Variants in ZNF398 observed in about 807,000 individuals in gnomAD.
ZNF398 encodes the protein zinc finger DNA binding protein ZER6.
In ZNF398, 18 loss-of-function variants were observed where a neutral mutation model predicts 41.9. The observed-to-expected ratio is 0.43, with a 90% CI of 0.30 to 0.64. The LOEUF is 0.64. Ranked by LOEUF, ZNF398 falls within the 30% of genes least tolerant of loss-of-function variation. ZNF398 has a pLI of 0.14. For synonymous variants in ZNF398, 260 were observed against 308.8 expected (o/e 0.84, Z 1.66); for missense variants, 669 against 822.8 (o/e 0.81, Z 2.29).
chr7:149,160,287 C>T (rs1045491613), intron 2 of ZNF398, among the ~76,000 whole-genome samples: 4 of 152,162 alleles, frequency 2.6e-5, no homozygotes, highest in Middle Eastern at 3.4e-3. Flanking sequence ...AAAAAGTAGC[C>T]AGATGTGGTG....
chr7:149,155,726 T>TTTA (rs1563159587), intron 2 of ZNF398, among the ~76,000 whole-genome samples: 5 of 93,024 alleles, frequency 5.4e-5, no homozygotes, highest in East Asian at 3.4e-4. Context: ...TTTTTTTTTT[T>TTTA]TTTAATTTTT....
intron 2 of ZNF398, among the ~76,000 whole-genome samples, chr7:149,162,550 G>A (rs946344158): frequency 2.0e-5 from 3 of 151,944 alleles, no homozygotes; most frequent in African/African-American, 4.8e-5. Context: ...GGCTGGTTTC[G>A]AACTCCTAAC....
intron 4 of ZNF398, among the ~76,000 whole-genome samples, chr7:149,173,268 C>G (rs1310243279): frequency 6.6e-6 from 1 of 151,816 alleles, no homozygotes; most frequent in East Asian, 1.9e-4. Context: ...CCATGCCTGG[C>G]TCATTTTTTT....
At chr7:149,154,961 G>A (rs1402994663) in intron 2 of ZNF398, among the ~76,000 whole-genome samples, 1 of 149,052 alleles carries the variant, frequency 6.7e-6, no homozygotes, top group Admixed American at 6.8e-5. Context: ...TGCATGCCAG[G>A]CTGGGCAACA....
chr7:149,175,441 G>T (rs1016316643), intron 4 of ZNF398, among the ~76,000 whole-genome samples: 1 of 152,210 alleles, frequency 6.6e-6, no homozygotes, highest in East Asian at 1.9e-4. Flanking sequence ...GTGCAAAGCC[G>T]ATATTGGCTG....
Position 149,147,837 on chromosome 7 carries a change from A to G in ZNF398, c.24+71A>G. 7.6e-7 allele frequency: 1 copy of G among 1,311,394 alleles called. No individual in the cohort carries two copies. The highest frequency in any genetic ancestry group is 9.7e-7 in the Non-Finnish European group (1 of 1,025,646). 81.2% of individuals were successfully genotyped at this position (1,311,394 alleles called of 1,614,324 possible). On this transcript the variant is annotated intron_variant, in intron 1 of 5. Coordinates refer to ENST00000475153, the MANE Select transcript of ZNF398 (RefSeq NM_170686.3). The surrounding 1 kb of genome is among the most constrained non-coding windows in gnomAD (Gnocchi z 5.6). ...CCCCGAGGGAGGAAGGCGGGCGGGCAGGGAGCTGCCAGGCATAGGCGCCGT... is the reference window on the plus strand; with the variant it reads ...CCCCGAGGGAGGAAGGCGGGCGGGCGGGGAGCTGCCAGGCATAGGCGCCGT...
At chr7:149,175,564 A>G (rs1026133678) in intron 4 of ZNF398, among the ~76,000 whole-genome samples, 11 of 152,208 alleles carry the variant, frequency 7.2e-5, no homozygotes, top group African/African-American at 2.7e-4. Context: ...ATAGACAAAG[A>G]TAATATATCT....
In ZNF398 at chr7:149,182,298, G is replaced by A. The variant is rs150812869; in HGVS notation, c.*2497G>A. ...ATCCCAGAGAGACGGAAGCAGGTGC[G>A]ATACTAAGCCTCAGCCCAAGAATAA... is the stretch of plus-strand genomic sequence containing the variant. On this transcript the variant is annotated 3_prime_UTR_variant, in exon 6 of 6. Transcript: ENST00000475153. 7.9e-5 allele frequency: 12 copies of A among 152,298 alleles called. No homozygotes were observed. In the East Asian group the frequency reaches 2.3e-3, roughly 29 times the overall value. 9.4% of individuals were successfully genotyped at this position (152,298 alleles called of 1,614,324 possible). A position where few individuals can be genotyped will look rare whatever the true frequency, so the allele number is the denominator to read the frequency against.
chr7:149,174,331 A>G (rs1015636459), intron 4 of ZNF398, among the ~76,000 whole-genome samples: 3 of 152,000 alleles, frequency 2.0e-5, no homozygotes, highest in Non-Finnish European at 4.4e-5. Context: ...AATTGTAGCT[A>G]GGCGCGTGCC....
intron 4 of ZNF398, among the ~76,000 whole-genome samples, chr7:149,173,091 CTATTTTTTT>C (rs1450342018): frequency 2.5e-4 from 17 of 67,194 alleles, no homozygotes; most frequent in African/African-American, 7.4e-4. Context: ...GTGGCAATTT[CTATTTTTTT>C]TTTTTTTTTT....
At chr7:149,132,410 T>A (rs1192136730) in intron 2 of ZNF398, among the ~76,000 whole-genome samples, 5 of 152,028 alleles carry the variant, frequency 3.3e-5, no homozygotes, top group Non-Finnish European at 7.4e-5. Context: ...GTCAGGCTGG[T>A]CTCGAACTCC....
intron 1 of ZNF398, among the ~76,000 whole-genome samples, chr7:149,149,451 C>T (rs1465939627): frequency 6.6e-6 from 1 of 151,992 alleles, no homozygotes; most frequent in Non-Finnish European, 1.5e-5. Flanking sequence ...CCGGGATGGT[C>T]TCAATCTCCT....
intron 2 of ZNF398, among the ~76,000 whole-genome samples, chr7:149,131,823 G>A (rs972816059): frequency 6.6e-6 from 1 of 151,870 alleles, no homozygotes; most frequent in Non-Finnish European, 1.5e-5. Flanking sequence ...AGCGGGGAGG[G>A]TTTCCTGTTT....
chr7:149,129,157 A>G (rs2129519037), intron 2 of ZNF398, among the ~76,000 whole-genome samples: 1 of 152,108 alleles, frequency 6.6e-6, no homozygotes, highest in Non-Finnish European at 1.5e-5. Flanking sequence ...TGGGGATAAA[A>G]TATTTTGATT....
chr7:149,169,608 T>C (rs1297419493), intron 4 of ZNF398, among the ~76,000 whole-genome samples: 1 of 152,108 alleles, frequency 6.6e-6, no homozygotes, highest in African/African-American at 2.4e-5. Flanking sequence ...CACACCACCA[T>C]GCCTGGCTAA....
Position 149,151,115 on chromosome 7 carries a change from G to A in ZNF398, c.25-2830G>A, listed in dbSNP as rs542694529. On this transcript the variant is annotated intron_variant, in intron 1 of 5. Coordinates refer to ENST00000475153, the MANE Select transcript of ZNF398 (RefSeq NM_170686.3). Reference sequence around the variant, plus strand: ...GCCACTTTATGGAATGGGACAAGCGGCATGGAGGGCACAAGTCAGTGTTGA... The same window carrying A: ...GCCACTTTATGGAATGGGACAAGCGACATGGAGGGCACAAGTCAGTGTTGA... 5.2e-4 allele frequency: 273 copies of A among 528,568 alleles called. 1 individual carries two copies. Among genetic ancestry groups the A allele is most frequent in the Middle Eastern group, 2.9e-3 (8 of 2,726 alleles). 32.7% of individuals were successfully genotyped at this position (528,568 alleles called of 1,614,324 possible).
In ZNF398 at chr7:149,154,088, G is replaced by T; in HGVS notation, c.168G>T (p.Lys56Asn). Residue 56 changes from lysine to asparagine, a missense_variant, in exon 2 of 6, where the codon AAG (lysine) becomes AAT (asparagine). Lys to Asn is a moderately conservative substitution (Grantham distance 94). This residue lies in a region of ZNF398 where 169 missense variants were observed against 239.5 expected (regional missense o/e 0.71). Transcript: ENST00000475153. The part of the protein sequence containing the change: ...VVAAVQAIER[K>N]VEIHSRRLLH... ...CCGCCGTGCAGGCTATAGAGAGGAA[G>T]GTGGAGATCCACAGCCGGCGACTCC... is the stretch of plus-strand genomic sequence containing the variant. 1 of 1,614,076 alleles carries T rather than the reference G, an allele frequency of 6.2e-7. No individual in the cohort carries two copies. The highest frequency in any genetic ancestry group is 8.5e-7 in the Non-Finnish European group (1 of 1,179,950).
At position 149,178,897 on chromosome 7, in the gene ZNF398, T is replaced by C; in HGVS notation, c.1025T>C (p.Val342Ala). 2.5e-6 allele frequency: 4 copies of C among 1,614,122 alleles called. No individual in the cohort carries two copies. The highest frequency in any genetic ancestry group is 4.5e-5 in the East Asian group (2 of 44,888). The change falls in exon 6 of 6, where the codon GTG becomes GCG. Residue 342 changes from valine to alanine, a missense_variant. Transcript: ENST00000475153. Reference protein sequence around the residue: ...YPLPPPVGEQVFSCHHCGKNL... With the variant: ...YPLPPPVGEQAFSCHHCGKNL... ...CTCCCACCTCCAGTTGGCGAGCAGG[T>C]GTTCTCATGCCACCACTGTGGCAAG...
intron 2 of ZNF398, among the ~76,000 whole-genome samples, chr7:149,130,526 A>G (rs903267170): frequency 1.4e-4 from 22 of 152,320 alleles, no homozygotes; most frequent in Non-Finnish European, 2.8e-4. Context: ...GTAAATATGT[A>G]TATTTAATTT....
Sources: gnomAD v4.1 joint callset for allele counts (sites outside exome capture counted in the v4.1 genomes callset) on GRCh38, gnomAD v4.1.1 for gene constraint, gnomAD v4.1.1 regional missense constraint, Gnocchi (gnomAD v3.1) non-coding constraint, MANE v1.5 for transcripts, NCBI Gene and HGNC (gene_info 2026-07-23, HGNC 2026-07-21) for gene names.